The following TRPA1 variants were observed in gnomAD, a reference collection of about 807,000 sequenced individuals.
The protein encoded by TRPA1 is transient receptor potential cation channel subfamily A member 1.
Under a neutral mutation model 131.3 loss-of-function variants are expected in TRPA1, and 129 were observed. That is an observed-to-expected ratio of 0.98 (90% CI 0.85 to 1.14). TRPA1 has a LOEUF of 1.14. Among genes scored for constraint, TRPA1 ranks in the 50% most tolerant of loss-of-function variants. TRPA1 has a pLI of 0.00. For synonymous variants in TRPA1, 441 were observed against 451.7 expected, an observed-to-expected ratio of 0.98 and a Z score of 0.30; for missense variants, 1,304 against 1,354.2, an observed-to-expected ratio of 0.96 and a Z score of 0.58.
chr8:72,066,177 C>T (rs141294271), intron 3 of TRPA1, among the ~76,000 whole-genome samples: 1 of 152,258 alleles, frequency 6.6e-6, no homozygotes, highest in African/African-American at 2.4e-5. Flanking sequence ...AAATTAGCAT[C>T]CTGATAAAAT....
chr8:72,025,322 GT>G (rs1811560371), intron 25 of TRPA1, among the ~76,000 whole-genome samples: 1 of 152,024 alleles, frequency 6.6e-6, no homozygotes, highest in South Asian at 2.1e-4. Flanking sequence ...TTGTTTGGTT[GT>G]TCCTCATGCG....
chr8:72,048,682 T>G (rs1427479677), intron 15 of TRPA1, among the ~76,000 whole-genome samples: 1 of 152,132 alleles, frequency 6.6e-6, no homozygotes, highest in Non-Finnish European at 1.5e-5. Context: ...TTCAAATGCA[T>G]TATGTCCGGC....
intron 6 of TRPA1, chr8:72,062,247 T>C: frequency 5.5e-6 from 1 of 181,594 alleles, no homozygotes; most frequent in South Asian, 1.3e-4. Flanking sequence ...CTTCTCTTCC[T>C]ACAGAAAATA....
intron 9 of TRPA1, 50 bp downstream of exon 9, chr8:72,057,667 A>G (rs777904090): frequency 7.1e-7 from 1 of 1,399,464 alleles, no homozygotes; most frequent in South Asian, 1.2e-5. Context: ...ATGTTCATCC[A>G]ACCAAATTGA....
intron 17 of TRPA1, among the ~76,000 whole-genome samples, chr8:72,042,343 C>A (rs781161733): frequency 6.6e-6 from 1 of 151,890 alleles, no homozygotes; most frequent in Non-Finnish European, 1.5e-5. Context: ...TAGGGAAATG[C>A]AGTTTAAAAC....
intron 7 of TRPA1, among the ~76,000 whole-genome samples, chr8:72,060,113 A>G (rs1805772288): frequency 6.6e-6 from 1 of 151,868 alleles, no homozygotes; most frequent in Non-Finnish European, 1.5e-5. Context: ...AATTTGATTG[A>G]CAAGAGGTTG....
intron 25 of TRPA1, 44 bp downstream of exon 25, chr8:72,025,916 A>C (rs1563379331): frequency 2.0e-6 from 3 of 1,515,602 alleles, no homozygotes; most frequent in Non-Finnish European, 2.7e-6. Flanking sequence ...TGAATGTCAA[A>C]CAGTGTCATG....
intron 1 of TRPA1, 41 bp downstream of exon 1, chr8:72,075,258 G>T: frequency 6.6e-7 from 1 of 1,509,070 alleles, no homozygotes; most frequent in Non-Finnish European, 9.2e-7. Context: ...ACCCCCGCCC[G>T]CACGTCGGAA....
chr8:72,049,726 A>C (rs1464209842), intron 15 of TRPA1, among the ~76,000 whole-genome samples: 1 of 152,196 alleles, frequency 6.6e-6, no homozygotes, highest in African/African-American at 2.4e-5. Flanking sequence ...AGTAATGTAA[A>C]TGAAAGAACC....
intron 13 of TRPA1, chr8:72,053,184 G>C (rs1391839675): frequency 9.2e-6 from 2 of 217,174 alleles, no homozygotes; most frequent in Non-Finnish European, 1.9e-5. Context: ...TAGAACAGTG[G>C]CTTACAGATT....
At chr8:72,067,586 C>A (rs1316159397) in intron 3 of TRPA1, among the ~76,000 whole-genome samples, 1 of 152,128 alleles carries the variant, frequency 6.6e-6, no homozygotes, top group African/African-American at 2.4e-5. Context: ...AGTTACCTAT[C>A]TTCAATTCCC....
At chr8:72,078,830 C>T (rs1225758882), upstream of TRPA1, among the ~76,000 whole-genome samples, 2 of 151,976 alleles carry the variant, frequency 1.3e-5, no homozygotes, top group Non-Finnish European at 1.5e-5. Context: ...TATGAAAATG[C>T]CTAATTACCT....
chr8:72,053,931 C>A, intron 12 of TRPA1, 64 bp from the exon 13 acceptor site: 1 of 1,214,512 alleles, frequency 8.2e-7, no homozygotes, highest in South Asian at 1.3e-5. Context: ...GATGGGATGC[C>A]ACTTGGCTTA....
At chr8:72,023,773 T>C in intron 26 of TRPA1, 41 bp downstream of exon 26, 1 of 1,161,882 alleles carries the variant, frequency 8.6e-7, no homozygotes, top group Non-Finnish European at 1.3e-6. Context: ...TATTTATGAG[T>C]TTTAAATTTC....
intron 1 of TRPA1, among the ~76,000 whole-genome samples, chr8:72,074,760 T>C (rs1806136941): frequency 6.6e-6 from 1 of 152,200 alleles, no homozygotes; most frequent in Non-Finnish European, 1.5e-5. Context: ...CTGAAGCTCC[T>C]ACCCCTGGAG....
At chr8:72,031,522 G>A (rs1811814339) in intron 23 of TRPA1, among the ~76,000 whole-genome samples, 1 of 151,298 alleles carries the variant, frequency 6.6e-6, no homozygotes, top group Non-Finnish European at 1.5e-5. Flanking sequence ...AGGCTGCAGT[G>A]AGCCATGATC....
chr8:72,034,366 C>T lies in TRPA1; in HGVS notation c.2567G>A (p.Cys856Tyr). 1 of 1,514,860 alleles carries T rather than the reference C, an allele frequency of 6.6e-7. No individual in the cohort carries two copies. The highest frequency in any genetic ancestry group is 9.0e-7 in the Non-Finnish European group (1 of 1,105,754). 93.8% of individuals were successfully genotyped at this position (1,514,860 alleles called of 1,614,324 possible). ...CTCCAACATAACAATAAAAATTCCA[C>T]AATTTTCAAATCTAGAAAAGTAAAA... ...FLLYLQRFEN[C>Y]GIFIVMLEVI... is the part of the protein sequence containing the mutation. Residue 856 changes from cysteine to tyrosine, a missense_variant, in exon 22 of 27, where the codon TGT becomes TAT. Transcript: ENST00000262209.
At chr8:72,045,069 C>A (rs965086911) in intron 17 of TRPA1, among the ~76,000 whole-genome samples, 3 of 151,868 alleles carry the variant, frequency 2.0e-5, no homozygotes, top group Admixed American at 1.3e-4. Context: ...AACAAATTTT[C>A]TAAGTATAAC....
chr8:72,055,231 T>A, intron 12 of TRPA1: 1 of 572,670 alleles, frequency 1.7e-6, no homozygotes, highest in South Asian at 2.2e-5. Context: ...CGCTATAAAC[T>A]TCAAAGTCTT....
Sources: gnomAD v4.1 joint callset for allele counts (sites outside exome capture counted in the v4.1 genomes callset) on GRCh38, gnomAD v4.1.1 for gene constraint, MANE v1.5 for transcripts, NCBI Gene and HGNC (gene_info 2026-07-23, HGNC 2026-07-21) for gene names.